ITGB3: variants seen among roughly 807,000 people sequenced by gnomAD.
ITGB3 encodes the protein integrin subunit beta 3.
A neutral mutation model predicts 85.8 loss-of-function variants in ITGB3; 48 were observed. The ratio of observed to expected loss-of-function variants is 0.56; its 90% CI spans 0.44 to 0.71. The LOEUF is 0.71. Among genes scored for constraint, ITGB3 ranks in the 30% least tolerant of loss-of-function variants. ITGB3 has a pLI of 0.00. For missense variants in ITGB3, 861 were observed against 1,019.1 expected (o/e 0.84, Z 2.11); for synonymous variants, 363 against 395.6 (o/e 0.92, Z 0.98).
At chr17:47,266,438 G>T (rs1320453001) in intron 1 of ITGB3, among the ~76,000 whole-genome samples, 1 of 152,020 alleles carries the variant, frequency 6.6e-6, no homozygotes, top group Non-Finnish European at 1.5e-5. Context: ...TCCCTCCCTT[G>T]TTTCCTTTGT....
intron 2 of ITGB3, among the ~76,000 whole-genome samples, chr17:47,282,011 C>T (rs1450494819): frequency 6.6e-6 from 1 of 152,116 alleles, no homozygotes; most frequent in Non-Finnish European, 1.5e-5. Context: ...TGGAGTGGCA[C>T]GATCTTGGCT....
rs748124796 is a variant in ITGB3 at position 47,283,355 on chromosome 17, C to T, written c.167C>T (p.Ala56Val). Reference sequence around the variant, plus strand: ...TCTCTTTGGGCTCCTGTCTTACAGGCCCTGCCTCTGGGCTCACCTCGCTGT... The same window carrying T: ...TCTCTTTGGGCTCCTGTCTTACAGGTCCTGCCTCTGGGCTCACCTCGCTGT... Reference protein sequence around the residue: ...SPMCAWCSDEALPLGSPRCDL... With the variant: ...SPMCAWCSDEVLPLGSPRCDL... The change falls in exon 3 of 15, where the codon GCC becomes GTC. Residue 56 changes from alanine to valine, a missense_variant and splice_region_variant. Ala to Val is a moderately conservative substitution (Grantham distance 64). Coordinates refer to ENST00000559488, the MANE Select transcript of ITGB3 (RefSeq NM_000212.3). 1 of 1,614,172 alleles carries T rather than the reference C, an allele frequency of 6.2e-7. No individual in the cohort carries two copies. Among genetic ancestry groups the T allele is most frequent in the Non-Finnish European group, 8.5e-7 (1 of 1,180,020 alleles).
chr17:47,253,938 G>A lies in ITGB3; in HGVS notation c.77G>A (p.Gly26Glu), dbSNP rs1207144046. Reference protein sequence around the residue: ...ALGALAGVGVGGPNICTTRGV... With the variant: ...ALGALAGVGVEGPNICTTRGV... ...GGGGCGCTGGCGGGCGTTGGCGTAG[G>A]AGGTGAGTGAGGCTCCGGCTCGGCA... Residue 26 changes from glycine (G) to glutamate (E), a missense_variant and splice_region_variant, in exon 1 of 15, where the codon GGA becomes GAA. By Grantham distance (98) the Gly-to-Glu change is moderately conservative. Coordinates refer to ENST00000559488, the MANE Select transcript of ITGB3 (RefSeq NM_000212.3). 3 of 1,418,198 alleles carry A rather than the reference G, an allele frequency of 2.1e-6. No individual in the cohort carries two copies. The highest frequency in any genetic ancestry group is 5.0e-5 in the Admixed American group (2 of 39,910). The allele number at this position is 1,418,198 out of a possible 1,614,324, so 87.9% of individuals were successfully genotyped here. A position where few individuals can be genotyped will look rare whatever the true frequency, so the allele number is the denominator to read the frequency against.
At chr17:47,308,354 A>G (rs16941863) in intron 14 of ITGB3, among the ~76,000 whole-genome samples, 6,350 of 151,848 alleles carry the variant, frequency 0.042, 193 homozygotes, top group Middle Eastern at 0.15. Flanking sequence ...CCAAATGGCT[A>G]TTTGACTCCC....
intron 10 of ITGB3, among the ~76,000 whole-genome samples, chr17:47,298,342 G>GTGT (rs2065153355): frequency 6.6e-6 from 1 of 152,054 alleles, no homozygotes; most frequent in Non-Finnish European, 1.5e-5. Context: ...TGGCATTCAT[G>GTGT]GGATTTGTTT....
intron 7 of ITGB3, 143 bp from the exon 8 acceptor site, chr17:47,290,042 A>G: frequency 1.3e-6 from 1 of 776,110 alleles, no homozygotes; most frequent in Non-Finnish European, 2.3e-6. Flanking sequence ...AAACTGCTAG[A>G]TATATTCCTG....
In ITGB3 at chr17:47,290,180, T is replaced by G; in HGVS notation, c.1036-5T>G. On this transcript the variant is annotated splice_region_variant and splice_polypyrimidine_tract_variant and intron_variant, in intron 7 of 14. Transcript: ENST00000559488. ...AGCTCTGGACATCTTTGTTTTCCTT[T>G]CTAGAACTATAGTGAGCTCATCCCA... The G allele has an allele frequency of 6.2e-7, 1 of 1,612,844 alleles. No homozygotes were observed. The highest frequency in any genetic ancestry group is 8.5e-7 in the Non-Finnish European group (1 of 1,178,804).
intron 2 of ITGB3, among the ~76,000 whole-genome samples, chr17:47,278,751 G>T (rs1305664790): frequency 6.6e-6 from 1 of 152,186 alleles, no homozygotes; most frequent in Non-Finnish European, 1.5e-5. Context: ...TGTCAGATCC[G>T]TGGTGGCATT....
intron 10 of ITGB3, among the ~76,000 whole-genome samples, chr17:47,298,722 T>C (rs1347020559): frequency 6.6e-6 from 1 of 152,206 alleles, no homozygotes; most frequent in African/African-American, 2.4e-5. Flanking sequence ...TGTTGTTGTC[T>C]AACCCAACTG....
intron 6 of ITGB3, among the ~76,000 whole-genome samples, chr17:47,287,911 C>CTTTTTT (rs60463106): frequency 1.4e-3 from 79 of 55,402 alleles, no homozygotes; most frequent in East Asian, 3.9e-3. Flanking sequence ...ACCACCCCTG[C>CTTTTTT]TTTTTTTTTT....
At chr17:47,274,975 C>T (rs1284404203) in intron 2 of ITGB3, among the ~76,000 whole-genome samples, 2 of 152,004 alleles carry the variant, frequency 1.3e-5, no homozygotes, top group East Asian at 3.9e-4. Context: ...TGGAATATCC[C>T]AGGGAAGCAG....
At chr17:47,273,695 T>G (rs2065053182) in intron 1 of ITGB3, among the ~76,000 whole-genome samples, 1 of 152,222 alleles carries the variant, frequency 6.6e-6, no homozygotes, top group African/African-American at 2.4e-5. Flanking sequence ...TAGAGGCTAG[T>G]TGAGTTGCCC....
intron 10 of ITGB3, among the ~76,000 whole-genome samples, chr17:47,298,582 T>C (rs2065154579): frequency 6.6e-6 from 1 of 152,214 alleles, no homozygotes; most frequent in Admixed American, 6.5e-5. Flanking sequence ...GCTACAATTT[T>C]CCTGTCTTGT....
At chr17:47,298,513 C>G (rs2065154227) in intron 10 of ITGB3, among the ~76,000 whole-genome samples, 1 of 152,170 alleles carries the variant, frequency 6.6e-6, no homozygotes, top group Non-Finnish European at 1.5e-5. Flanking sequence ...TGTGCACTTT[C>G]CCTCTCTGCA....
At chr17:47,276,946 C>G (rs1000231933) in intron 2 of ITGB3, among the ~76,000 whole-genome samples, 5 of 152,278 alleles carry the variant, frequency 3.3e-5, no homozygotes, top group African/African-American at 1.2e-4. Flanking sequence ...TCCAGGCAAG[C>G]TGGCAGTGCC....
intron 13 of ITGB3, among the ~76,000 whole-genome samples, chr17:47,304,832 T>C (rs1053990176): frequency 6.6e-6 from 1 of 152,162 alleles, no homozygotes; most frequent in Non-Finnish European, 1.5e-5. Context: ...GGTCTTGAAC[T>C]CCTGACTTCA....
chr17:47,261,980 C>T (rs1291878086), intron 1 of ITGB3, among the ~76,000 whole-genome samples: 1 of 152,250 alleles, frequency 6.6e-6, no homozygotes, highest in Non-Finnish European at 1.5e-5. Context: ...ACATTGGGAT[C>T]ATTCCCAATT....
intron 13 of ITGB3, chr17:47,303,636 G>GC (rs1293441800): frequency 6.6e-6 from 1 of 152,240 alleles, no homozygotes; most frequent in Non-Finnish European, 1.5e-5. Context: ...AGGCACTAAG[G>GC]CAAGGCTGCC....
chr17:47,287,911 CTTTTTTTTTTTTTTTT>C (rs60463106), intron 6 of ITGB3, among the ~76,000 whole-genome samples: 13 of 55,398 alleles, frequency 2.3e-4, no homozygotes, highest in African/African-American at 4.8e-4. Flanking sequence ...ACCACCCCTG[CTTTTTTTTTTTTTTTT>C]TTTTTTTTTT....
Sources: allele counts gnomAD v4.1 joint callset (sites outside exome capture counted in the v4.1 genomes callset), GRCh38; gene constraint gnomAD v4.1.1; transcripts MANE v1.5; gene names NCBI Gene and HGNC (gene_info 2026-07-23, HGNC 2026-07-21).